Variants in KHDRBS2 observed in about 807,000 individuals in gnomAD.
The protein encoded by KHDRBS2 is KH RNA binding domain containing, signal transduction associated 2, also known as KH domain-containing, RNA-binding, signal transduction-associated protein 2.
In KHDRBS2, 26 loss-of-function variants were observed where a neutral mutation model predicts 44.3. The ratio of observed to expected loss-of-function variants is 0.59; its 90% CI spans 0.43 to 0.81. The LOEUF (loss-of-function observed/expected upper bound fraction) is 0.81. Ranked by LOEUF, KHDRBS2 falls within the 40% of genes least tolerant of loss-of-function variation. The pLI is 0.00. For missense variants in KHDRBS2, 476 were observed against 433.1 expected, an observed-to-expected ratio of 1.10 and a Z score of -0.88; for synonymous variants, 194 against 151.1, an observed-to-expected ratio of 1.28 and a Z score of -2.08.
chr6:61,954,577 G>C (rs111209840), intron 4 of KHDRBS2, among the ~76,000 whole-genome samples: 9 of 104,226 alleles, frequency 8.6e-5, no homozygotes, highest in African/African-American at 3.6e-4. Flanking sequence ...TACGTATGTA[G>C]ACATATTTAT....
chr6:61,827,253 CCT>C lies in KHDRBS2; in HGVS notation c.810+67380_810+67381del, dbSNP rs1377887118. Among the ~76,000 whole-genome samples the C allele has an allele frequency of 2.6e-5, 4 of 152,232 alleles. No homozygotes were observed. In the South Asian group the frequency reaches 8.3e-4, roughly 32 times the overall value. ...CGTGGTGCTCAAAATGCACAAAGTC[CCT>C]CTCTTCCTCTAGGTTACAGTTGGGA... On this transcript the variant is annotated intron_variant, in intron 6 of 8. Coordinates refer to ENST00000281156, the MANE Select transcript of KHDRBS2 (RefSeq NM_152688.4).
chr6:62,242,311 G>T (rs1461547692), intron 1 of KHDRBS2, among the ~76,000 whole-genome samples: 1 of 152,080 alleles, frequency 6.6e-6, no homozygotes, highest in Non-Finnish European at 1.5e-5. Context: ...CATTTTACTT[G>T]ATGACACCTT....
At chr6:61,573,606 A>G in the KHDRBS2 span, among the ~76,000 whole-genome samples, 1,924 of 152,262 alleles carry the variant, frequency 0.013, 44 homozygotes, top group African/African-American at 0.045. Flanking sequence ...CCTAACCAAC[A>G]TGGAGAAACC....
chr6:62,200,922 C>A (rs191038737), intron 1 of KHDRBS2, among the ~76,000 whole-genome samples: 2 of 152,220 alleles, frequency 1.3e-5, no homozygotes, highest in East Asian at 3.9e-4. Flanking sequence ...ATGATGAGTT[C>A]ATGTTCTTTG....
At chr6:62,215,476 C>G (rs1473816860) in intron 1 of KHDRBS2, among the ~76,000 whole-genome samples, 1 of 151,804 alleles carries the variant, frequency 6.6e-6, no homozygotes, top group Non-Finnish European at 1.5e-5. Context: ...AACTGGAGAG[C>G]ACTCTGGAGC....
At chr6:61,676,663 T>G (rs1053191841), downstream of KHDRBS2, among the ~76,000 whole-genome samples, 2 of 151,842 alleles carry the variant, frequency 1.3e-5, no homozygotes, top group Non-Finnish European at 2.9e-5. Flanking sequence ...AAACATCCTA[T>G]AGATACTTCT....
intron 5 of KHDRBS2, among the ~76,000 whole-genome samples, chr6:61,900,556 C>T (rs1333925508): frequency 1.3e-5 from 2 of 152,200 alleles, no homozygotes; most frequent in South Asian, 2.1e-4. Context: ...AATTCTAATA[C>T]AAAAAGATAG....
At chr6:61,567,022 A>G in the KHDRBS2 span, among the ~76,000 whole-genome samples, 76 of 152,336 alleles carry the variant, frequency 5.0e-4, no homozygotes, top group African/African-American at 1.7e-3. Flanking sequence ...ACATTACTAG[A>G]GGACTTCAGG....
chr6:61,722,796 G>A (rs1007925945), intron 7 of KHDRBS2, among the ~76,000 whole-genome samples: 19 of 151,398 alleles, frequency 1.3e-4, no homozygotes, highest in East Asian at 5.9e-4. Context: ...TCTAAGCTCC[G>A]CCTCCCGGGT....
At chr6:61,818,452 G>A (rs1327807118) in intron 6 of KHDRBS2, among the ~76,000 whole-genome samples, 1 of 151,938 alleles carries the variant, frequency 6.6e-6, no homozygotes. Flanking sequence ...TGTTAATTCT[G>A]CACTATCTCT....
At chr6:61,865,409 T>C (rs1438487676) in intron 6 of KHDRBS2, among the ~76,000 whole-genome samples, 1 of 152,112 alleles carries the variant, frequency 6.6e-6, no homozygotes, top group African/African-American at 2.4e-5. Context: ...ATGTCTTATA[T>C]GGATAGCAGC....
chr6:61,853,716 A>G (rs1340242180), intron 6 of KHDRBS2, among the ~76,000 whole-genome samples: 1 of 152,214 alleles, frequency 6.6e-6, no homozygotes, highest in Non-Finnish European at 1.5e-5. Flanking sequence ...GGTAAGTTGA[A>G]CAAGATGAAA....
At chr6:62,018,424 C>G (rs774648393) in intron 3 of KHDRBS2, among the ~76,000 whole-genome samples, 3 of 151,810 alleles carry the variant, frequency 2.0e-5, no homozygotes, top group Non-Finnish European at 4.4e-5. Flanking sequence ...ACGAACTCAC[C>G]GCAAGCTCCG....
At chr6:62,235,044 T>C (rs182874971) in intron 1 of KHDRBS2, among the ~76,000 whole-genome samples, 1 of 150,002 alleles carries the variant, frequency 6.7e-6, no homozygotes. Context: ...CACATTATTT[T>C]ACAAACTGAG....
At chr6:61,737,736 G>A (rs1319859795) in intron 6 of KHDRBS2, among the ~76,000 whole-genome samples, 1 of 151,986 alleles carries the variant, frequency 6.6e-6, no homozygotes, top group Admixed American at 6.6e-5. Context: ...TATTCTGTCT[G>A]CATTCAAATC....
chr6:61,751,787 AT>A (rs1379333919), intron 6 of KHDRBS2, among the ~76,000 whole-genome samples: 1 of 152,144 alleles, frequency 6.6e-6, no homozygotes, highest in Non-Finnish European at 1.5e-5. Flanking sequence ...ACATTCATTC[AT>A]TTTCTCACAG....
chr6:61,778,663 C>A (rs1782471502), intron 6 of KHDRBS2, among the ~76,000 whole-genome samples: 1 of 152,184 alleles, frequency 6.6e-6, no homozygotes, highest in Non-Finnish European at 1.5e-5. Flanking sequence ...CATAGTGCCA[C>A]CGTGCCGCAA....
the KHDRBS2 span, among the ~76,000 whole-genome samples, chr6:61,621,239 G>T: frequency 6.6e-6 from 1 of 152,178 alleles, no homozygotes; most frequent in Non-Finnish European, 1.5e-5. Flanking sequence ...CGGTGGAGGG[G>T]AATCCCCTTG....
chr6:61,599,547 T>C, the KHDRBS2 span, among the ~76,000 whole-genome samples: 4 of 152,184 alleles, frequency 2.6e-5, no homozygotes, highest in Non-Finnish European at 5.9e-5. Context: ...TGGTTAAGGA[T>C]AGTGTTTGCA....
Sources: allele counts gnomAD v4.1 joint callset (sites outside exome capture counted in the v4.1 genomes callset), GRCh38; gene constraint gnomAD v4.1.1; transcripts MANE v1.5; gene names NCBI Gene and HGNC (gene_info 2026-07-23, HGNC 2026-07-21).